LRFN5: variants seen among roughly 807,000 people sequenced by gnomAD.
LRFN5 encodes the protein leucine rich repeat and fibronectin type III domain containing 5.
Under a neutral mutation model 45.6 loss-of-function variants are expected in LRFN5, and 24 were observed. The observed-to-expected ratio is 0.53, with a 90% CI of 0.38 to 0.74. The LOEUF (loss-of-function observed/expected upper bound fraction) is 0.74. Ranked by LOEUF, LRFN5 falls within the 30% of genes least tolerant of loss-of-function variation. LRFN5 has a pLI of 0.00. For missense variants in LRFN5, 776 were observed against 861.5 expected (o/e 0.90, Z 1.24); for synonymous variants, 340 against 313.8 (o/e 1.08, Z -0.88).
At chr14:41,761,608 G>A (rs1286729013) in intron 1 of LRFN5, among the ~76,000 whole-genome samples, 1 of 152,016 alleles carries the variant, frequency 6.6e-6, no homozygotes, top group African/African-American at 2.4e-5. Context: ...AGCACAACAT[G>A]AGCTAGCAAA....
At chr14:41,818,897 T>C (rs1202860011) in intron 2 of LRFN5, among the ~76,000 whole-genome samples, 1 of 152,026 alleles carries the variant, frequency 6.6e-6, no homozygotes, top group African/African-American at 2.4e-5. Context: ...CTCCTAAACC[T>C]CCTATATTTT....
At chr14:41,845,680 A>T (rs1292748439) in intron 2 of LRFN5, among the ~76,000 whole-genome samples, 1 of 152,150 alleles carries the variant, frequency 6.6e-6, no homozygotes, top group Non-Finnish European at 1.5e-5. Context: ...AAATTTCAAG[A>T]TTATTAGGTG....
At position 41,639,465 on chromosome 14, in the gene LRFN5, C is replaced by T. The variant is rs1174479659; in HGVS notation, c.-197+30903C>T. Among the ~76,000 whole-genome samples, 29 of 152,088 alleles carry T rather than the reference C, an allele frequency of 1.9e-4. 1 individual carries two copies. Among genetic ancestry groups the T allele is most frequent in the Admixed American group, 1.9e-3 (29 of 15,246 alleles). On this transcript the variant is annotated intron_variant, in intron 1 of 5. Coordinates refer to ENST00000298119, the MANE Select transcript of LRFN5 (RefSeq NM_152447.5). Reference sequence around the variant, plus strand: ...ACTGGACACCTGGCTTCCACTTTTGCCTTGTTACTAACGTTATGTGTAACA... The same window carrying T: ...ACTGGACACCTGGCTTCCACTTTTGTCTTGTTACTAACGTTATGTGTAACA...
intron 1 of LRFN5, among the ~76,000 whole-genome samples, chr14:41,669,027 C>T (rs1227548461): frequency 1.3e-5 from 2 of 152,000 alleles, no homozygotes; most frequent in African/African-American, 4.8e-5. Flanking sequence ...ATAATCTTGG[C>T]AGCTATGTAA....
chr14:41,775,705 A>G (rs536859787), intron 2 of LRFN5, among the ~76,000 whole-genome samples: 3 of 152,326 alleles, frequency 2.0e-5, no homozygotes, highest in Non-Finnish European at 4.4e-5. Flanking sequence ...TGCATTCATT[A>G]TTTATAAAGT....
chr14:41,822,718 G>T (rs563154346), intron 2 of LRFN5, among the ~76,000 whole-genome samples: 1 of 151,974 alleles, frequency 6.6e-6, no homozygotes, highest in South Asian at 2.1e-4. Flanking sequence ...TGCCTTGACG[G>T]TCTCTCTAGT....
At chr14:41,871,968 T>C (rs1025229078) in intron 2 of LRFN5, among the ~76,000 whole-genome samples, 2 of 152,168 alleles carry the variant, frequency 1.3e-5, no homozygotes, top group Non-Finnish European at 2.9e-5. Context: ...TTCTTATAGT[T>C]AGGGAATGTG....
intron 2 of LRFN5, among the ~76,000 whole-genome samples, chr14:41,828,909 T>C (rs1888385564): frequency 6.6e-6 from 1 of 152,010 alleles, no homozygotes; most frequent in African/African-American, 2.4e-5. Context: ...TTCATGATCC[T>C]TTTTCAGTTG....
chr14:41,632,579 G>A (rs1888581907), intron 1 of LRFN5, among the ~76,000 whole-genome samples: 1 of 152,072 alleles, frequency 6.6e-6, no homozygotes, highest in Non-Finnish European at 1.5e-5. Flanking sequence ...CTCCAGCATG[G>A]GCAATAAGAG....
chr14:41,763,061 A>G (rs754303037), intron 1 of LRFN5, among the ~76,000 whole-genome samples: 1 of 152,224 alleles, frequency 6.6e-6, no homozygotes, highest in Non-Finnish European at 1.5e-5. Flanking sequence ...GGTGTCTTCA[A>G]GTATTTCAAG....
rs1056361709 is a variant in LRFN5, at chr14:41,771,138, C to T, written c.-21+4109C>T. On this transcript the variant is annotated intron_variant, in intron 2 of 5. Transcript: ENST00000298119. Reference sequence around the variant, plus strand: ...TATGGGGAGCAATATCTCAAGGCTGCTCAGGGCAGTGGGGCCCTAGGCCTG... The same window carrying T: ...TATGGGGAGCAATATCTCAAGGCTGTTCAGGGCAGTGGGGCCCTAGGCCTG... Among the ~76,000 whole-genome samples, 4 of 151,296 alleles carry T rather than the reference C, an allele frequency of 2.6e-5. No individual in the cohort carries two copies. In the East Asian group the frequency reaches 6.2e-4, roughly 23 times the overall value.
intron 1 of LRFN5, among the ~76,000 whole-genome samples, chr14:41,644,410 A>G (rs974260457): frequency 3.9e-5 from 6 of 152,234 alleles, no homozygotes; most frequent in Admixed American, 2.0e-4. Context: ...GTTTAAATCT[A>G]TCATGCATTT....
intron 1 of LRFN5, among the ~76,000 whole-genome samples, chr14:41,743,311 T>A (rs73315044): frequency 6.6e-6 from 1 of 150,954 alleles, no homozygotes; most frequent in Non-Finnish European, 1.5e-5. Flanking sequence ...TGATCAGATA[T>A]GAAATATACA....
intron 2 of LRFN5, among the ~76,000 whole-genome samples, chr14:41,829,000 C>T (rs903900301): frequency 6.6e-6 from 1 of 151,850 alleles, no homozygotes; most frequent in Non-Finnish European, 1.5e-5. Flanking sequence ...CTTCATTTAT[C>T]CTTCTCCCAC....
chr14:41,644,586 TTG>T (rs138068207), intron 1 of LRFN5, among the ~76,000 whole-genome samples: 2 of 151,274 alleles, frequency 1.3e-5, no homozygotes, highest in East Asian at 1.9e-4. Context: ...AGTGTGTGTT[TTG>T]TGTGTGTGTG....
intron 2 of LRFN5, among the ~76,000 whole-genome samples, chr14:41,836,083 G>C (rs1443656300): frequency 6.6e-6 from 1 of 151,954 alleles, no homozygotes; most frequent in Admixed American, 6.6e-5. Context: ...GAATCACAAA[G>C]ATATAAAAAT....
intron 1 of LRFN5, among the ~76,000 whole-genome samples, chr14:41,706,080 A>T (rs537538180): frequency 2.6e-5 from 4 of 152,146 alleles, no homozygotes; most frequent in Admixed American, 2.6e-4. Context: ...CAAACATGCT[A>T]CAACAAAGTT....
intron 1 of LRFN5, among the ~76,000 whole-genome samples, chr14:41,735,839 A>G (rs929796933): frequency 2.6e-5 from 4 of 151,878 alleles, no homozygotes; most frequent in Non-Finnish European, 4.4e-5. Flanking sequence ...CCCACTTATG[A>G]GTGAGAACAT....
chr14:41,856,675 A>ATTTTTTTTTTTTTT (rs1555326982), intron 2 of LRFN5, among the ~76,000 whole-genome samples: 1,050 of 18,340 alleles, frequency 0.057, 179 homozygotes, highest in Non-Finnish European at 0.092. Flanking sequence ...TATTATTATT[A>ATTTTTTTTTTTTTT]TTTTTTTTTT....
Sources: gnomAD v4.1 joint callset for allele counts (sites outside exome capture counted in the v4.1 genomes callset) on GRCh38, gnomAD v4.1.1 for gene constraint, MANE v1.5 for transcripts, NCBI Gene and HGNC (gene_info 2026-07-23, HGNC 2026-07-21) for gene names.